The following ITGA1 variants were observed in gnomAD, a reference collection of about 807,000 sequenced individuals.
The protein encoded by ITGA1 is integrin alpha-1.
Under a neutral mutation model 145.9 loss-of-function variants are expected in ITGA1, and 85 were observed. The observed-to-expected ratio is 0.58, with a 90% CI of 0.49 to 0.70. The LOEUF (loss-of-function observed/expected upper bound fraction) is 0.70, where lower values mean the gene tolerates loss of function less well. Ranked by LOEUF, ITGA1 falls within the 30% of genes least tolerant of loss-of-function variation. The pLI, the probability that ITGA1 is intolerant of heterozygous loss-of-function variation, is 0.00. For missense variants in ITGA1, 1,351 were observed against 1,418.7 expected (o/e 0.95, Z 0.77); for synonymous variants, 520 against 495.3 (o/e 1.05, Z -0.66).
intron 1 of ITGA1, among the ~76,000 whole-genome samples, chr5:52,833,267 G>A (rs1749105786): frequency 6.6e-6 from 1 of 151,964 alleles, no homozygotes; most frequent in Non-Finnish European, 1.5e-5. Flanking sequence ...TGAAAAGACA[G>A]TAAAACAGAC....
At chr5:52,882,421 G>A (rs531129385) in intron 7 of ITGA1, among the ~76,000 whole-genome samples, 8 of 151,836 alleles carry the variant, frequency 5.3e-5, no homozygotes, top group Non-Finnish European at 1.2e-4. Context: ...ATTCTAGAAT[G>A]TCCATGTATT....
At chr5:52,811,694 T>A (rs1385175834) in intron 1 of ITGA1, among the ~76,000 whole-genome samples, 1 of 152,200 alleles carries the variant, frequency 6.6e-6, no homozygotes, top group Admixed American at 6.5e-5. Context: ...TCTTGAGGTT[T>A]ACAAATATTT....
At chr5:52,852,534 C>T (rs1305404798) in intron 2 of ITGA1, among the ~76,000 whole-genome samples, 2 of 152,038 alleles carry the variant, frequency 1.3e-5, no homozygotes, top group African/African-American at 2.4e-5. Context: ...AGATAGATTC[C>T]AAAATTTCTG....
Position 52,952,495 on chromosome 5 carries a change from T to C in ITGA1, c.*44T>C. The C allele has an allele frequency of 1.1e-6, 1 of 932,904 alleles. No homozygotes were observed. Among genetic ancestry groups the C allele is most frequent in the Non-Finnish European group, 1.6e-6 (1 of 624,642 alleles). The allele number at this position is 932,904 out of a possible 1,614,324, so 57.8% of individuals were successfully genotyped here. ...ATAATAACAATTATTCAATAATCTATCCTCAGGTTTGCCTCAAATATGTGA... is the reference window on the plus strand; with the variant it reads ...ATAATAACAATTATTCAATAATCTACCCTCAGGTTTGCCTCAAATATGTGA... On this transcript the variant is annotated 3_prime_UTR_variant, in exon 29 of 29. Transcript: ENST00000282588.
chr5:52,801,726 T>G, intron 1 of ITGA1: 1 of 1,614,056 alleles, frequency 6.2e-7, no homozygotes, highest in Non-Finnish European at 8.5e-7. Flanking sequence ...TATTCTCTAG[T>G]CTTCACGTTT....
At position 52,905,884 on chromosome 5, in the gene ITGA1, T is replaced by A; in HGVS notation, c.1431T>A (p.Ile477=). 1 of 1,613,212 alleles carries A rather than the reference T, an allele frequency of 6.2e-7. No homozygotes were observed. Among genetic ancestry groups the A allele is most frequent in the Non-Finnish European group, 8.5e-7 (1 of 1,179,444 alleles). Residue 477 remains isoleucine (I), a synonymous_variant, in exon 12 of 29, where the codon ATT becomes ATA. Coordinates refer to ENST00000282588, the MANE Select transcript of ITGA1 (RefSeq NM_181501.2). ...GGATGGAAGATGGAAACATCAAAATTCTCCAGACGCTCAGTGGAGAACAGG... is the reference window on the plus strand; with the variant it reads ...GGATGGAAGATGGAAACATCAAAATACTCCAGACGCTCAGTGGAGAACAGG... The part of the protein sequence containing the change: ...IYRMEDGNIK[I]LQTLSGEQIG...
intron 3 of ITGA1, among the ~76,000 whole-genome samples, chr5:52,863,343 A>G (rs1218975691): frequency 6.6e-6 from 1 of 152,110 alleles, no homozygotes; most frequent in Admixed American, 6.5e-5. Context: ...TCTTTTTCTA[A>G]GATATACTAC....
At chr5:52,829,396 A>C (rs185401276) in intron 1 of ITGA1, among the ~76,000 whole-genome samples, 16 of 152,268 alleles carry the variant, frequency 1.1e-4, no homozygotes, top group African/African-American at 3.6e-4. Flanking sequence ...AACATTTAAC[A>C]AAAAGAAAAA....
At chr5:52,922,034 C>T (rs1366551726) in intron 17 of ITGA1, among the ~76,000 whole-genome samples, 1 of 152,178 alleles carries the variant, frequency 6.6e-6, no homozygotes, top group Non-Finnish European at 1.5e-5. Context: ...GGCATGGTGG[C>T]TCACGCCTGT....
chr5:52,844,048 A>G (rs964653532), intron 1 of ITGA1, among the ~76,000 whole-genome samples: 1 of 152,108 alleles, frequency 6.6e-6, no homozygotes, highest in African/African-American at 2.4e-5. Context: ...ATCAAATTCC[A>G]TCCTGGGGTA....
At chr5:52,806,481 G>A (rs923353738) in intron 1 of ITGA1, among the ~76,000 whole-genome samples, 1 of 151,948 alleles carries the variant, frequency 6.6e-6, no homozygotes, top group African/African-American at 2.4e-5. Flanking sequence ...ATTTATTTAG[G>A]TTAAAAATAC....
At chr5:52,806,390 A>T (rs1455244641) in intron 1 of ITGA1, among the ~76,000 whole-genome samples, 1 of 152,008 alleles carries the variant, frequency 6.6e-6, no homozygotes. Context: ...CAAGGAGAAC[A>T]ATCAGGAGTT....
At chr5:52,925,645 T>A (rs1427518388) in intron 19 of ITGA1, among the ~76,000 whole-genome samples, 158 bp downstream of exon 19, 3 of 152,248 alleles carry the variant, frequency 2.0e-5, no homozygotes, top group African/African-American at 7.2e-5. Flanking sequence ...TTAAGCTTTT[T>A]AAAAAAGTTT....
At chr5:52,812,327 C>T (rs1748694973) in intron 1 of ITGA1, among the ~76,000 whole-genome samples, 2 of 152,014 alleles carry the variant, frequency 1.3e-5, no homozygotes, top group Non-Finnish European at 2.9e-5. Context: ...TGGGAGGGGG[C>T]CTACAGAAAG....
At chr5:52,819,385 C>A (rs1421888807) in intron 1 of ITGA1, among the ~76,000 whole-genome samples, 1 of 152,170 alleles carries the variant, frequency 6.6e-6, no homozygotes, top group Non-Finnish European at 1.5e-5. Flanking sequence ...ATTTGCATTT[C>A]TCTGATGGCC....
chr5:52,846,994 C>G (rs1410449009), intron 1 of ITGA1, among the ~76,000 whole-genome samples: 1 of 152,062 alleles, frequency 6.6e-6, no homozygotes, highest in Admixed American at 6.5e-5. Context: ...TACTGCCCAT[C>G]TGTGTACAAG....
At chr5:52,832,765 CTG>C (rs33977926) in intron 1 of ITGA1, among the ~76,000 whole-genome samples, 6,040 of 86,558 alleles carry the variant, frequency 0.07, 153 homozygotes, top group East Asian at 0.11. Context: ...ATATATAAAT[CTG>C]TGTGTGTGTG....
intron 6 of ITGA1, among the ~76,000 whole-genome samples, chr5:52,878,603 G>A (rs1192362200): frequency 6.6e-6 from 1 of 152,192 alleles, no homozygotes; most frequent in Non-Finnish European, 1.5e-5. Flanking sequence ...ACATGTAAGT[G>A]AGATAACCCT....
intron 15 of ITGA1, among the ~76,000 whole-genome samples, chr5:52,918,139 A>C (rs1250566807): frequency 1.3e-5 from 2 of 152,190 alleles, no homozygotes; most frequent in African/African-American, 4.8e-5. Context: ...TTTTCCTCTT[A>C]ATAGCTTTTG....
Sources: allele counts gnomAD v4.1 joint callset (sites outside exome capture counted in the v4.1 genomes callset), GRCh38; gene constraint gnomAD v4.1.1; transcripts MANE v1.5; gene names NCBI Gene and HGNC (gene_info 2026-07-23, HGNC 2026-07-21).